The following TENM2 variants were observed in gnomAD, a reference collection of about 807,000 sequenced individuals.
TENM2 encodes the protein teneurin-2.
Under a neutral mutation model 245.2 loss-of-function variants are expected in TENM2, and 52 were observed. The ratio of observed to expected loss-of-function variants is 0.21; its 90% CI spans 0.17 to 0.27. The LOEUF (loss-of-function observed/expected upper bound fraction) is 0.27, where lower values mean the gene tolerates loss of function less well. Among genes scored for constraint, TENM2 ranks in the 10% least tolerant of loss-of-function variants. TENM2 has a pLI of 1.00. For synonymous variants in TENM2, 1,363 were observed against 1,438.9 expected (o/e 0.95, Z 1.19); for missense variants, 3,046 against 3,666.8 (o/e 0.83, Z 4.37).
intron 1 of TENM2, among the ~76,000 whole-genome samples, chr5:167,324,412 C>T (rs1400689617): frequency 1.3e-5 from 2 of 152,094 alleles, no homozygotes; most frequent in Admixed American, 1.3e-4. Context: ...AGTAGGTCTC[C>T]TTTCAAAGAT....
intron 1 of TENM2, among the ~76,000 whole-genome samples, chr5:167,314,648 T>C (rs1410689163): frequency 6.6e-6 from 1 of 152,118 alleles, no homozygotes; most frequent in Admixed American, 6.6e-5. Flanking sequence ...GACATCACCA[T>C]CTAATACAAT....
intron 3 of TENM2, among the ~76,000 whole-genome samples, chr5:167,913,633 A>G (rs576022515): frequency 1.7e-4 from 26 of 152,342 alleles, no homozygotes; most frequent in African/African-American, 6.0e-4. Flanking sequence ...ATAGACAGCA[A>G]CTTGCAGTGT....
At chr5:167,425,872 A>G (rs969853117) in intron 2 of TENM2, among the ~76,000 whole-genome samples, 2 of 152,198 alleles carry the variant, frequency 1.3e-5, no homozygotes, top group Non-Finnish European at 2.9e-5. Flanking sequence ...TGAGTGCTCA[A>G]TCACTTATTA....
At chr5:167,199,516 C>T in the TENM2 span, among the ~76,000 whole-genome samples, 1 of 152,134 alleles carries the variant, frequency 6.6e-6, no homozygotes, top group South Asian at 2.1e-4. Flanking sequence ...ACCAAACCTG[C>T]CTTCCATCTA....
chr5:167,176,814 A>G, the TENM2 span, among the ~76,000 whole-genome samples: 1 of 152,102 alleles, frequency 6.6e-6, no homozygotes, highest in South Asian at 2.1e-4. Context: ...TAAGGGGAAA[A>G]TAATCTATTA....
intron 2 of TENM2, among the ~76,000 whole-genome samples, chr5:167,401,563 T>A (rs1762368069): frequency 6.6e-6 from 1 of 152,150 alleles, no homozygotes; most frequent in African/African-American, 2.4e-5. Flanking sequence ...AAAAATGTAG[T>A]GCCTCTGCAA....
intron 3 of TENM2, among the ~76,000 whole-genome samples, chr5:167,885,630 A>G: frequency 6.6e-6 from 1 of 152,286 alleles, no homozygotes; most frequent in Non-Finnish European, 1.5e-5. Flanking sequence ...GTCACTGTCC[A>G]AAAAACAAAA....
the TENM2 span, among the ~76,000 whole-genome samples, chr5:167,058,957 A>G: frequency 6.6e-6 from 1 of 152,168 alleles, no homozygotes; most frequent in Non-Finnish European, 1.5e-5. Flanking sequence ...CAGCACCCCC[A>G]AGTCTAAACT....
At chr5:168,162,532 C>T (rs976312950) in intron 12 of TENM2, 79 bp from the exon 15 acceptor site, 31 of 1,507,680 alleles carry the variant, frequency 2.1e-5, no homozygotes, top group Non-Finnish European at 2.7e-5. Flanking sequence ...TGCGGCCTTG[C>T]TCCCCTCTGC....
intron 2 of TENM2, among the ~76,000 whole-genome samples, chr5:167,819,592 A>G (rs1767339149): frequency 6.6e-6 from 1 of 152,120 alleles, no homozygotes. Context: ...ACACTGGGGG[A>G]ATTTCATAGC....
chr5:167,111,462 A>G, the TENM2 span, among the ~76,000 whole-genome samples: 1 of 152,192 alleles, frequency 6.6e-6, no homozygotes, highest in Non-Finnish European at 1.5e-5. Context: ...GCTAAATCCA[A>G]AGGTCTGTAT....
chr5:167,763,983 T>C (rs1270188645), intron 2 of TENM2, among the ~76,000 whole-genome samples: 1 of 152,082 alleles, frequency 6.6e-6, no homozygotes, highest in Admixed American at 6.6e-5. Flanking sequence ...GGTGTCTCAA[T>C]CAATACAAGT....
chr5:167,525,419 A>G (rs187008147), intron 2 of TENM2, among the ~76,000 whole-genome samples: 3 of 152,266 alleles, frequency 2.0e-5, no homozygotes, highest in East Asian at 3.9e-4. Flanking sequence ...CCACGTACCA[A>G]CCTAAGCACT....
chr5:168,252,977 G>GT (rs1354122106), intron 27 of TENM2, among the ~76,000 whole-genome samples: 6 of 151,734 alleles, frequency 4.0e-5, no homozygotes, highest in Non-Finnish European at 8.8e-5. Flanking sequence ...GTTTTGTTTT[G>GT]TTTTTTTGAG....
At chr5:167,984,047 A>G (rs1004016369) in intron 4 of TENM2, among the ~76,000 whole-genome samples, 1 of 152,090 alleles carries the variant, frequency 6.6e-6, no homozygotes, top group Non-Finnish European at 1.5e-5. Context: ...AACTCACCCA[A>G]TCCCCCTAAC....
intron 13 of TENM2, among the ~76,000 whole-genome samples, chr5:168,164,842 T>C (rs1758075771): frequency 6.6e-6 from 1 of 152,198 alleles, no homozygotes; most frequent in Non-Finnish European, 1.5e-5. Flanking sequence ...AACAAAAATG[T>C]ATTTAGTGCC....
intron 2 of TENM2, among the ~76,000 whole-genome samples, chr5:167,704,597 T>G (rs1469891995): frequency 6.6e-6 from 1 of 152,096 alleles, no homozygotes; most frequent in Non-Finnish European, 1.5e-5. Context: ...AGTACAGAAA[T>G]AGCAATGAAG....
intron 2 of TENM2, among the ~76,000 whole-genome samples, chr5:167,481,623 C>T (rs1001409776): frequency 1.3e-5 from 2 of 152,100 alleles, no homozygotes; most frequent in Non-Finnish European, 2.9e-5. Flanking sequence ...TGTCACGTAC[C>T]TGTGTGAACA....
At position 167,302,764 on chromosome 5, in the gene TENM2, T is replaced by G. The variant is rs144363910; in HGVS notation, c.226+17701T>G. 7.4e-3 allele frequency among the ~76,000 whole-genome samples: 1,118 copies of G among 151,742 alleles called. 14 individuals are homozygous for G. Among genetic ancestry groups the G allele is most frequent in the African/African-American group, 0.026 (1,074 of 41,382 alleles). On this transcript the variant is annotated intron_variant, in intron 1 of 28. Coordinates refer to ENST00000518659, the Ensembl canonical transcript of TENM2. ...GAAAAGCGGAGAAGGGGTATTGACA[T>G]GGAGAGAAGGGGTTGTGGTTCTTGC...
Sources: gnomAD v4.1 joint callset for allele counts (sites outside exome capture counted in the v4.1 genomes callset) on GRCh38, gnomAD v4.1.1 for gene constraint, MANE v1.5 for transcripts, NCBI Gene and HGNC (gene_info 2026-07-23, HGNC 2026-07-21) for gene names.